ATP2C1: variants seen among roughly 807,000 people sequenced by gnomAD.
ATP2C1 encodes the protein calcium-transporting ATPase type 2C member 1.
ATP2C1 carries 31 observed loss-of-function variants against 120.5 expected under a neutral mutation model. The observed-to-expected ratio is 0.26, with a 90% CI of 0.19 to 0.35. ATP2C1 has a LOEUF of 0.35. Ranked by LOEUF, ATP2C1 falls within the 10% of genes least tolerant of loss-of-function variation. The pLI is 1.00. For missense variants in ATP2C1, 731 were observed against 1,107.5 expected (o/e 0.66, Z 4.83); for synonymous variants, 351 against 358.7 (o/e 0.98, Z 0.24).
At position 130,940,695 on chromosome 3, in the gene ATP2C1, T is replaced by C. The variant is rs374434188; in HGVS notation, c.422+4T>C. 100 of 1,608,952 alleles carry C rather than the reference T, an allele frequency of 6.2e-5. No homozygotes were observed. The African/African-American group carries it at 1.2e-3, about 20-fold the overall frequency. Reference sequence around the variant, plus strand: ...TTGTGCCACCAGAATGCCATTGGTATGATCCTTTTTTTGGTATGGATTTCT... The same window carrying C: ...TTGTGCCACCAGAATGCCATTGGTACGATCCTTTTTTTGGTATGGATTTCT... On this transcript the variant is annotated splice_donor_region_variant and intron_variant, in intron 7 of 27. Transcript: ENST00000510168.
In ATP2C1 at chr3:131,003,043, A is replaced by G; in HGVS notation, c.*1693A>G. 2.0e-6 allele frequency: 2 copies of G among 985,788 alleles called. No individual in the cohort carries two copies. The highest frequency in any genetic ancestry group is 2.4e-6 in the Non-Finnish European group (2 of 829,862). The allele number at this position is 985,788 out of a possible 1,614,324, so 61.1% of individuals were successfully genotyped here. A position where few individuals can be genotyped will look rare whatever the true frequency, so the allele number is the denominator to read the frequency against. On this transcript the variant is annotated 3_prime_UTR_variant, in exon 28 of 28. Coordinates refer to ENST00000510168, the MANE Select transcript of ATP2C1 (RefSeq NM_001378687.1). ...TTGAAATACGTATTAAATGCACGTTAATGTTTTGCTTTGCATTTTAGGTTC... is the reference window on the plus strand; with the variant it reads ...TTGAAATACGTATTAAATGCACGTTGATGTTTTGCTTTGCATTTTAGGTTC...
intron 13 of ATP2C1, 99 bp downstream of exon 13, chr3:130,964,194 A>C (rs1411720253): frequency 1.3e-5 from 20 of 1,552,028 alleles, no homozygotes; most frequent in Non-Finnish European, 1.8e-5. Context: ...AGAGATTTGC[A>C]TAATGATGTT....
chr3:130,963,845 G>T, intron 12 of ATP2C1, 126 bp from the exon 13 acceptor site: 1 of 1,179,074 alleles, frequency 8.5e-7, no homozygotes, highest in Non-Finnish European at 1.2e-6. Context: ...CTTTTGAGAA[G>T]TTTATTTTTT....
intron 1 of ATP2C1, among the ~76,000 whole-genome samples, chr3:130,863,449 C>G (rs935059598): frequency 9.9e-5 from 15 of 152,094 alleles, no homozygotes; most frequent in African/African-American, 3.1e-4. Flanking sequence ...CACACACACA[C>G]AGAGAAAGAC....
chr3:130,875,551 A>G (rs2068573571), intron 1 of ATP2C1, among the ~76,000 whole-genome samples: 1 of 152,176 alleles, frequency 6.6e-6, no homozygotes, highest in Non-Finnish European at 1.5e-5. Flanking sequence ...GTTTGATTCC[A>G]TTATCTTGGC....
At chr3:130,884,352 A>G (rs186601031) in intron 1 of ATP2C1, among the ~76,000 whole-genome samples, 121 of 152,264 alleles carry the variant, frequency 7.9e-4, no homozygotes, top group African/African-American at 2.7e-3. Flanking sequence ...GTTTTATTCC[A>G]TTGTGGTCAG....
exon 1 of ATP2C1, chr3:130,850,897 C>T (rs765911419): frequency 7.7e-6 from 11 of 1,420,252 alleles, no homozygotes; most frequent in South Asian, 1.6e-5. Flanking sequence ...AGATATTTAT[C>T]GACGCTGAGA....
At position 130,955,634 on chromosome 3, in the gene ATP2C1, A is replaced by T. The variant is rs145815102; in HGVS notation, c.757-470A>T. The T allele has an allele frequency of 9.5e-4, 167 of 175,748 alleles. 2 individuals carry two copies. In the East Asian group the frequency reaches 0.025, roughly 26 times the overall value. 10.9% of individuals were successfully genotyped at this position (175,748 alleles called of 1,614,324 possible). A position where few individuals can be genotyped will look rare whatever the true frequency, so the allele number is the denominator to read the frequency against. The stretch of plus-strand genomic sequence containing the variant: ...TAACCTGCCAAAACTCCAGTATGCG[A>T]TGCAAAGTGGGAACTCATTCCAAGA... On this transcript the variant is annotated intron_variant, in intron 10 of 27. Coordinates refer to ENST00000510168, the MANE Select transcript of ATP2C1 (RefSeq NM_001378687.1).
rs2062879242 is a variant in ATP2C1 at position 131,001,396 on chromosome 3, G to T, written c.*46G>T. 1.2e-6 allele frequency: 2 copies of T among 1,602,824 alleles called. No individual in the cohort carries two copies. The highest frequency in any genetic ancestry group is 1.7e-6 in the Non-Finnish European group (2 of 1,174,106). On this transcript the variant is annotated 3_prime_UTR_variant, in exon 28 of 28. Transcript: ENST00000510168. ...TTGCAAACTAGGAATTGCAGTCTGAGGATCATTTAGAAGGGCAAGTTCAAG... is the reference window on the plus strand; with the variant it reads ...TTGCAAACTAGGAATTGCAGTCTGATGATCATTTAGAAGGGCAAGTTCAAG...
chr3:130,953,777 A>G (rs1273905744), intron 8 of ATP2C1, 44 bp from the exon 9 acceptor site: 2 of 1,608,268 alleles, frequency 1.2e-6, no homozygotes, highest in African/African-American at 2.7e-5. Flanking sequence ...GAGATGTTAA[A>G]TGTAGCACAA....
At chr3:130,938,147 C>T (rs534189427) in intron 6 of ATP2C1, among the ~76,000 whole-genome samples, 1 of 152,058 alleles carries the variant, frequency 6.6e-6, no homozygotes. Context: ...TGTAAAGTAG[C>T]CCCTTTTAAA....
Position 130,967,808 on chromosome 3 carries a change from C to T in ATP2C1, c.1308+389C>T, listed in dbSNP as rs539389818. On this transcript the variant is annotated intron_variant, in intron 16 of 27. Coordinates refer to ENST00000510168, the MANE Select transcript of ATP2C1 (RefSeq NM_001378687.1). Reference sequence around the variant, plus strand: ...TTCTATGTAAAGATAATAACACAGTCATGAGAAAATAGCTTTGTTTTCCCA... The same window carrying T: ...TTCTATGTAAAGATAATAACACAGTTATGAGAAAATAGCTTTGTTTTCCCA... 5.9e-5 allele frequency among the ~76,000 whole-genome samples: 9 copies of T among 152,146 alleles called. No homozygotes were observed. In the East Asian group the frequency reaches 9.6e-4, roughly 16 times the overall value.
At position 130,964,364 on chromosome 3, in the gene ATP2C1, A is replaced by T. The variant is rs374127590; in HGVS notation, c.1024+269A>T. Among the ~76,000 whole-genome samples, 246 of 152,202 alleles carry T rather than the reference A, an allele frequency of 1.6e-3. 3 individuals carry two copies. The highest frequency in any genetic ancestry group is 5.7e-3 in the African/African-American group (238 of 41,548). Reference sequence around the variant, plus strand: ...CATACAACAACTGAAATCTTGGAGTAAAATTAATAGAATTTTTTTCTTGTG... The same window carrying T: ...CATACAACAACTGAAATCTTGGAGTTAAATTAATAGAATTTTTTTCTTGTG... On this transcript the variant is annotated intron_variant, in intron 13 of 27. Coordinates refer to ENST00000510168, the MANE Select transcript of ATP2C1 (RefSeq NM_001378687.1).
At chr3:131,014,052 G>A in intron 26 of ATP2C1, 1 of 1,544,462 alleles carries the variant, frequency 6.5e-7, no homozygotes, top group East Asian at 2.2e-5. Flanking sequence ...GATGCAAACT[G>A]AGTTTTATTC....
At chr3:130,931,221 A>G (rs564893913) in intron 3 of ATP2C1, among the ~76,000 whole-genome samples, 14 of 151,916 alleles carry the variant, frequency 9.2e-5, no homozygotes, top group South Asian at 2.1e-4. Flanking sequence ...CCTTTATTGG[A>G]CTCTATTATA....
chr3:130,961,651 T>C (rs1469455739), intron 12 of ATP2C1, among the ~76,000 whole-genome samples: 1 of 152,076 alleles, frequency 6.6e-6, no homozygotes, highest in African/African-American at 2.4e-5. Flanking sequence ...GCCTAAAGTA[T>C]TGCATCATTT....
chr3:130,968,196 G>A (rs542300044), intron 16 of ATP2C1, among the ~76,000 whole-genome samples: 46 of 152,228 alleles, frequency 3.0e-4, no homozygotes, highest in South Asian at 1.0e-3. Context: ...GCACATTTCT[G>A]TATCATTTGG....
At chr3:130,899,414 TGAG>T (rs1351557221) in intron 2 of ATP2C1, 1 of 152,106 alleles carries the variant, frequency 6.6e-6, no homozygotes, top group Non-Finnish European at 1.5e-5. Flanking sequence ...AAGAAAATTA[TGAG>T]GAGGAGAAAA....
intron 1 of ATP2C1, among the ~76,000 whole-genome samples, chr3:130,880,016 G>A (rs2068732398): frequency 6.6e-6 from 1 of 152,186 alleles, no homozygotes; most frequent in Admixed American, 6.5e-5. Flanking sequence ...CCCCTATTTG[G>A]TGTGGTGGTG....
Sources: gnomAD v4.1 joint callset for allele counts (sites outside exome capture counted in the v4.1 genomes callset) on GRCh38, gnomAD v4.1.1 for gene constraint, MANE v1.5 for transcripts, NCBI Gene and HGNC (gene_info 2026-07-23, HGNC 2026-07-21) for gene names.